Variants in RTF1 observed in about 807,000 individuals in gnomAD.
RTF1 encodes the protein RTF1 homolog, Paf1/RNA polymerase II complex component.
In RTF1, 10 loss-of-function variants were observed where a neutral mutation model predicts 95.7. The observed-to-expected ratio is 0.10, with a 90% CI of 0.06 to 0.18. The LOEUF (loss-of-function observed/expected upper bound fraction) is 0.18, where lower values mean the gene tolerates loss of function less well. Among genes scored for constraint, RTF1 ranks in the 10% least tolerant of loss-of-function variants. RTF1 has a pLI of 1.00. For missense variants in RTF1, 458 were observed against 875.6 expected, an observed-to-expected ratio of 0.52 and a Z score of 6.02; for synonymous variants, 305 against 311.8, an observed-to-expected ratio of 0.98 and a Z score of 0.23.
Position 41,423,495 on chromosome 15 carries a change from G to A in RTF1, c.198+6182G>A, listed in dbSNP as rs181123813. On this transcript the variant is annotated intron_variant, in intron 1 of 17. Coordinates refer to ENST00000389629, the MANE Select transcript of RTF1 (RefSeq NM_015138.5). The stretch of plus-strand genomic sequence containing the variant: ...AGTGATTCTCCTGCCTTAGCCTCCC[G>A]AGTAGCTGGGATGACAGGCACGCGC... Among the ~76,000 whole-genome samples the A allele has an allele frequency of 5.8e-4, 88 of 150,674 alleles. 1 individual carries two copies. The East Asian group carries it at 0.011, about 19-fold the overall frequency.
chr15:41,437,164 A>C (rs758930697), intron 1 of RTF1, among the ~76,000 whole-genome samples: 1 of 152,074 alleles, frequency 6.6e-6, no homozygotes, highest in African/African-American at 2.4e-5. Flanking sequence ...TAATGATATC[A>C]GTTGTTGTGA....
intron 4 of RTF1, among the ~76,000 whole-genome samples, chr15:41,458,670 A>G (rs1194594808): frequency 6.6e-6 from 1 of 151,992 alleles, no homozygotes; most frequent in Non-Finnish European, 1.5e-5. Flanking sequence ...AATTGCTTCA[A>G]CCCAGGAGAT....
rs564683713 is a variant in RTF1 at position 41,427,446 on chromosome 15, C to T, written c.198+10133C>T. Among the ~76,000 whole-genome samples the T allele has an allele frequency of 9.9e-5, 15 of 152,194 alleles. No homozygotes were observed. In the East Asian group the frequency reaches 2.7e-3, roughly 27 times the overall value. ...GATTACAGGCGTGAGCCACTGCGCC[C>T]GGCCCTACAAAATTTTTAAAAAATT... On this transcript the variant is annotated intron_variant, in intron 1 of 17. Transcript: ENST00000389629.
chr15:41,440,953 T>C (rs2050730583), intron 2 of RTF1, among the ~76,000 whole-genome samples: 1 of 148,992 alleles, frequency 6.7e-6, no homozygotes, highest in South Asian at 2.1e-4. Context: ...TAATTTTCTC[T>C]CCCACTAGTC....
chr15:41,453,458 G>A (rs2050797947), intron 3 of RTF1, among the ~76,000 whole-genome samples: 1 of 152,100 alleles, frequency 6.6e-6, no homozygotes, highest in South Asian at 2.1e-4. Flanking sequence ...AGGTGCAATG[G>A]CTCATATTTG....
At position 41,482,417 on chromosome 15, in the gene RTF1, G is replaced by A. The variant is rs535716957; in HGVS notation, c.*1730G>A. 8 of 152,642 alleles carry A rather than the reference G, an allele frequency of 5.2e-5. No homozygotes were observed. Among genetic ancestry groups the A allele is most frequent in the South Asian group, 2.1e-4 (1 of 4,828 alleles). 9.5% of individuals were successfully genotyped at this position (152,642 alleles called of 1,614,324 possible). A position where few individuals can be genotyped will look rare whatever the true frequency, so the allele number is the denominator to read the frequency against. The stretch of plus-strand genomic sequence containing the variant: ...CTTTGTACTTCCTCACCCTGCTTTC[G>A]TACAAGGAAGGGGGACGATGGGAAA... On this transcript the variant is annotated 3_prime_UTR_variant, in exon 18 of 18. Coordinates refer to ENST00000389629, the MANE Select transcript of RTF1 (RefSeq NM_015138.5).
At chr15:41,443,959 T>A in intron 2 of RTF1, among the ~76,000 whole-genome samples, 1 of 151,562 alleles carries the variant, frequency 6.6e-6, no homozygotes, top group Middle Eastern at 3.2e-3. Flanking sequence ...TCCCAGCTAC[T>A]CTGGAGGCTG....
chr15:41,469,114 G>A (rs891856848), intron 6 of RTF1, among the ~76,000 whole-genome samples: 6 of 150,984 alleles, frequency 4.0e-5, no homozygotes, highest in Admixed American at 1.3e-4. Flanking sequence ...GACTACATGC[G>A]TGCACCACCA....
At chr15:41,435,923 A>T (rs1281462228) in intron 1 of RTF1, among the ~76,000 whole-genome samples, 1 of 152,182 alleles carries the variant, frequency 6.6e-6, no homozygotes, top group Non-Finnish European at 1.5e-5. Flanking sequence ...AGGAGCCAGG[A>T]TTCTGTCTGC....
chr15:41,428,298 C>T (rs1423211127), intron 1 of RTF1, among the ~76,000 whole-genome samples: 1 of 111,922 alleles, frequency 8.9e-6, no homozygotes, highest in Non-Finnish European at 1.7e-5. Flanking sequence ...GATGGAGTCT[C>T]GCTTTGTTGC....
At chr15:41,442,847 C>T (rs541118523) in intron 2 of RTF1, among the ~76,000 whole-genome samples, 1 of 152,254 alleles carries the variant, frequency 6.6e-6, no homozygotes, top group East Asian at 1.9e-4. Context: ...GAACGCTCCA[C>T]TATATTCCAG....
chr15:41,430,125 A>G (rs973299139), intron 1 of RTF1, among the ~76,000 whole-genome samples: 10 of 146,432 alleles, frequency 6.8e-5, no homozygotes, highest in Admixed American at 2.8e-4. Flanking sequence ...CTCCTGCCTC[A>G]GCTTCGTGAG....
At chr15:41,459,050 C>T (rs529072841) in intron 4 of RTF1, among the ~76,000 whole-genome samples, 105 of 150,126 alleles carry the variant, frequency 7.0e-4, no homozygotes, top group African/African-American at 2.2e-3. Flanking sequence ...CCAGCCTGGG[C>T]GACAGAGGGA....
chr15:41,475,041 G>T (rs1595440709), intron 9 of RTF1, among the ~76,000 whole-genome samples: 2 of 152,168 alleles, frequency 1.3e-5, no homozygotes, highest in Admixed American at 6.5e-5. Flanking sequence ...CCTCATCTGT[G>T]ACAAGAAAGA....
Position 41,417,266 on chromosome 15 carries a change from A to G in RTF1, c.151A>G (p.Ile51Val). 1 of 1,251,998 alleles carries G rather than the reference A, an allele frequency of 8.0e-7. No homozygotes were observed. Among genetic ancestry groups the G allele is most frequent in the Non-Finnish European group, 1.0e-6 (1 of 990,440 alleles). 77.6% of individuals were successfully genotyped at this position (1,251,998 alleles called of 1,614,324 possible). A position where few individuals can be genotyped will look rare whatever the true frequency, so the allele number is the denominator to read the frequency against. ...MVKKRKGRVV[I>V]DSDTEDSGSD... The stretch of plus-strand genomic sequence containing the variant: ...AAAGAAGCGGAAAGGCCGCGTCGTG[A>G]TCGACTCGGACACAGAGGACAGCGG... The change falls in exon 1 of 18, where the codon ATC becomes GTC. Residue 51 changes from isoleucine (I) to valine (V), a missense_variant. Ile to Val is a conservative substitution (Grantham distance 29). This residue lies in a region of RTF1 where 44 missense variants were observed against 99.5 expected (regional missense o/e 0.44). Coordinates refer to ENST00000389629, the MANE Select transcript of RTF1 (RefSeq NM_015138.5).
At chr15:41,433,247 CA>C (rs1437951656) in intron 1 of RTF1, among the ~76,000 whole-genome samples, 2 of 151,364 alleles carry the variant, frequency 1.3e-5, no homozygotes, top group South Asian at 4.2e-4. Context: ...GAGTCCATCT[CA>C]AAAAAAATAA....
At position 41,471,159 on chromosome 15, in the gene RTF1, T is replaced by C; in HGVS notation, c.1026-13T>C. On this transcript the variant is annotated splice_polypyrimidine_tract_variant and intron_variant, in intron 7 of 17. Coordinates refer to ENST00000389629, the MANE Select transcript of RTF1 (RefSeq NM_015138.5). The stretch of plus-strand genomic sequence containing the variant: ...GATGAACATTTTTTCCAGTGCCCCT[T>C]TGTTCCTCTTAGGAAAGAAGAGATC... The C allele has an allele frequency of 6.3e-7, 1 of 1,585,060 alleles. No individual in the cohort carries two copies. Among genetic ancestry groups the C allele is most frequent in the African/African-American group, 1.4e-5 (1 of 73,540 alleles).
At chr15:41,454,553 T>C (rs1244930212) in intron 3 of RTF1, among the ~76,000 whole-genome samples, 6 of 152,184 alleles carry the variant, frequency 3.9e-5, no homozygotes, top group African/African-American at 1.4e-4. Flanking sequence ...CAAAATTATA[T>C]AGTCTTAAAC....
chr15:41,427,736 A>T (rs1056621673), intron 1 of RTF1, among the ~76,000 whole-genome samples: 6 of 152,122 alleles, frequency 3.9e-5, no homozygotes, highest in African/African-American at 1.4e-4. Flanking sequence ...GTAGGCACTT[A>T]ATAAATTTTT....
Sources: gnomAD v4.1 joint callset for allele counts (sites outside exome capture counted in the v4.1 genomes callset) on GRCh38, gnomAD v4.1.1 for gene constraint, gnomAD v4.1.1 regional missense constraint, MANE v1.5 for transcripts, NCBI Gene and HGNC (gene_info 2026-07-23, HGNC 2026-07-21) for gene names.